Variants in SMYD3 observed in about 807,000 individuals in gnomAD.
SMYD3 encodes the protein SET and MYND domain containing 3, also known as histone-lysine N-methyltransferase SMYD3.
Under a neutral mutation model 57.7 loss-of-function variants are expected in SMYD3, and 36 were observed. The observed-to-expected ratio is 0.62, with a 90% CI of 0.48 to 0.82. SMYD3 has a LOEUF of 0.82. Ranked by LOEUF, SMYD3 falls within the 40% of genes least tolerant of loss-of-function variation. The probability of loss-of-function intolerance (pLI) is 0.00; values close to 1 mark genes in which losing one functional copy is unlikely to be tolerated. For missense variants in SMYD3, 515 were observed against 538.8 expected (o/e 0.96, Z 0.44); for synonymous variants, 211 against 195.0 (o/e 1.08, Z -0.68).
chr1:245,781,179 AC>A (rs1421863717), intron 10 of SMYD3, among the ~76,000 whole-genome samples: 1 of 152,234 alleles, frequency 6.6e-6, no homozygotes, highest in Non-Finnish European at 1.5e-5. Flanking sequence ...TTTTTGCACA[AC>A]CATAAAAACT....
intron 5 of SMYD3, among the ~76,000 whole-genome samples, chr1:246,050,379 A>G (rs980856654): frequency 6.6e-6 from 1 of 152,226 alleles, no homozygotes. Flanking sequence ...GGCATCATCC[A>G]TAAAAGGTTG....
intron 1 of SMYD3, among the ~76,000 whole-genome samples, chr1:246,392,137 T>C (rs539679715): frequency 6.6e-5 from 10 of 152,296 alleles, no homozygotes; most frequent in Non-Finnish European, 1.3e-4. Flanking sequence ...CATCAGGTTC[T>C]ATCACAAAAC....
chr1:246,062,106 TAA>T (rs2060264110), intron 5 of SMYD3, among the ~76,000 whole-genome samples: 1 of 152,190 alleles, frequency 6.6e-6, no homozygotes, highest in Non-Finnish European at 1.5e-5. Context: ...TCCCACAGGT[TAA>T]ATGAAGAGCT....
intron 5 of SMYD3, among the ~76,000 whole-genome samples, chr1:245,993,631 TAGACAGACAGAC>T (rs60153898): frequency 1.7e-5 from 2 of 120,104 alleles, no homozygotes; most frequent in African/African-American, 7.0e-5. Flanking sequence ...GATAGATAGA[TAGACAGACAGAC>T]AGACAGACAG....
chr1:246,012,807 C>A (rs2148198270), intron 5 of SMYD3, among the ~76,000 whole-genome samples: 1 of 152,282 alleles, frequency 6.6e-6, no homozygotes, highest in Admixed American at 6.5e-5. Context: ...CCCATTCCTG[C>A]CACACATACA....
At chr1:245,871,547 T>G (rs1373699650) in intron 8 of SMYD3, among the ~76,000 whole-genome samples, 1 of 152,178 alleles carries the variant, frequency 6.6e-6, no homozygotes, top group East Asian at 1.9e-4. Flanking sequence ...ACGATCAAAT[T>G]GTAGTATGTT....
chr1:246,475,506 C>T (rs1401628467), intron 1 of SMYD3, among the ~76,000 whole-genome samples: 2 of 151,812 alleles, frequency 1.3e-5, no homozygotes, highest in Middle Eastern at 3.2e-3. Flanking sequence ...AATAGCCGGG[C>T]ATGATGGCGC....
At chr1:245,812,700 C>CAAAAAAA (rs201426225) in intron 10 of SMYD3, among the ~76,000 whole-genome samples, 89 of 46,580 alleles carry the variant, frequency 1.9e-3, no homozygotes, top group Middle Eastern at 0.016. Context: ...AACAACAGTT[C>CAAAAAAA]CAAAAAAAAA....
chr1:246,340,342 C>T (rs1324946631), intron 2 of SMYD3, among the ~76,000 whole-genome samples: 1 of 151,216 alleles, frequency 6.6e-6, no homozygotes, highest in Non-Finnish European at 1.5e-5. Flanking sequence ...CATATATAGA[C>T]ACAGTGTTAA....
chr1:246,030,122 A>T (rs778949068), intron 5 of SMYD3, among the ~76,000 whole-genome samples: 18 of 151,826 alleles, frequency 1.2e-4, no homozygotes, highest in Non-Finnish European at 2.1e-4. Flanking sequence ...AATATCCATC[A>T]GTGGATATTT....
In SMYD3 at chr1:246,395,780, A is replaced by ACAG. The variant is rs1558443052; in HGVS notation, c.165-40687_165-40686insCTG. ...GTCAGACAGGGAAGAGGAACCCACC[A>ACAG]TGGTCAGACAGGGAAGAGGAACCCA... On this transcript the variant is annotated intron_variant, in intron 1 of 11. Coordinates refer to ENST00000490107, the MANE Select transcript of SMYD3 (RefSeq NM_001167740.2). Among the ~76,000 whole-genome samples, 3 of 150,020 alleles carry ACAG rather than the reference A, an allele frequency of 2.0e-5. 1 individual carries two copies. Among genetic ancestry groups the ACAG allele is most frequent in the African/African-American group, 7.5e-5 (3 of 40,254 alleles).
chr1:246,382,770 C>G (rs537266740), intron 1 of SMYD3, among the ~76,000 whole-genome samples: 7 of 152,258 alleles, frequency 4.6e-5, no homozygotes, highest in Non-Finnish European at 1.0e-4. Flanking sequence ...TCCAGGCTCA[C>G]CCCAGCACCA....
chr1:246,056,383 T>A (rs2060151733), intron 5 of SMYD3, among the ~76,000 whole-genome samples: 4 of 152,068 alleles, frequency 2.6e-5, no homozygotes, highest in Non-Finnish European at 2.9e-5. Flanking sequence ...TTAGATAACC[T>A]CCATTTCATA....
chr1:246,287,840 GAA>G (rs2064602288), intron 5 of SMYD3, among the ~76,000 whole-genome samples: 1 of 152,084 alleles, frequency 6.6e-6, no homozygotes, highest in African/African-American at 2.4e-5. Flanking sequence ...TTTGTCAAGA[GAA>G]AATGTGCTTT....
rs191808661 is a variant in SMYD3 at position 246,078,647 on chromosome 1, A to C, written c.532-148710T>G. Among the ~76,000 whole-genome samples the C allele has an allele frequency of 9.6e-4, 146 of 152,336 alleles. 3 individuals are homozygous for C. The South Asian group carries it at 0.011, about 12-fold the overall frequency. Reference sequence around the variant, plus strand: ...AAGTGACTGAAGGAAGGGTACTTCCACAACTGCAAGCACAGAAGCCATTAA... The same window carrying C: ...AAGTGACTGAAGGAAGGGTACTTCCCCAACTGCAAGCACAGAAGCCATTAA... On this transcript the variant is annotated intron_variant, in intron 5 of 11. Coordinates refer to ENST00000490107, the MANE Select transcript of SMYD3 (RefSeq NM_001167740.2).
At chr1:246,490,588 G>A (rs1017744159) in intron 1 of SMYD3, among the ~76,000 whole-genome samples, 1 of 152,190 alleles carries the variant, frequency 6.6e-6, no homozygotes, top group East Asian at 1.9e-4. Context: ...ACCAATCGCT[G>A]AGGGCTGGAC....
intron 1 of SMYD3, among the ~76,000 whole-genome samples, chr1:246,444,282 C>T (rs754633469): frequency 9.2e-5 from 14 of 152,220 alleles, no homozygotes; most frequent in Admixed American, 2.6e-4. Context: ...TGTGCCACCA[C>T]GCCTGGCTAA....
chr1:245,904,586 G>T (rs74712381), intron 8 of SMYD3, among the ~76,000 whole-genome samples: 1 of 152,136 alleles, frequency 6.6e-6, no homozygotes, highest in Non-Finnish European at 1.5e-5. Flanking sequence ...CCAGAGGTCC[G>T]AACTTGAGTG....
chr1:246,123,597 C>T (rs1241822640), intron 5 of SMYD3, among the ~76,000 whole-genome samples: 1 of 150,742 alleles, frequency 6.6e-6, no homozygotes, highest in Non-Finnish European at 1.5e-5. Context: ...CACACACACA[C>T]ACACACACAC....
Sources: allele counts gnomAD v4.1 joint callset (sites outside exome capture counted in the v4.1 genomes callset), GRCh38; gene constraint gnomAD v4.1.1; transcripts MANE v1.5; gene names NCBI Gene and HGNC (gene_info 2026-07-23, HGNC 2026-07-21).